ILRUN: variants seen among roughly 807,000 people sequenced by gnomAD.
ILRUN encodes inflammation and lipid regulator with UBA-like and NBR1-like domains, also known as protein ILRUN.
A neutral mutation model predicts 33.8 loss-of-function variants in ILRUN; 3 were observed. The observed-to-expected ratio is 0.09, with a 90% CI of 0.04 to 0.23. The LOEUF is 0.23. ILRUN is among the 10% of genes least tolerant of loss of function. ILRUN has a pLI of 1.00. For missense variants in ILRUN, 210 were observed against 375.1 expected, an observed-to-expected ratio of 0.56 and a Z score of 3.64; for synonymous variants, 124 against 138.9, an observed-to-expected ratio of 0.89 and a Z score of 0.75.
chr6:34,676,085 T>C (rs1763223184), intron 1 of ILRUN, among the ~76,000 whole-genome samples: 1 of 152,132 alleles, frequency 6.6e-6, no homozygotes, highest in Non-Finnish European at 1.5e-5. Context: ...ATCCATAACA[T>C]ACTGTGAAAT....
intron 3 of ILRUN, among the ~76,000 whole-genome samples, chr6:34,608,630 T>C (rs1415746865): frequency 1.3e-5 from 2 of 152,214 alleles, no homozygotes; most frequent in Non-Finnish European, 2.9e-5. Flanking sequence ...GAAGCTACAG[T>C]GTCACTAGGT....
chr6:34,595,201 G>C (rs1329683874), intron 4 of ILRUN, among the ~76,000 whole-genome samples: 4 of 152,226 alleles, frequency 2.6e-5, no homozygotes, highest in Non-Finnish European at 2.9e-5. Context: ...CTGTCAAATA[G>C]CAAGAATCAT....
chr6:34,643,983 T>G (rs1762522068), intron 3 of ILRUN, among the ~76,000 whole-genome samples: 1 of 152,254 alleles, frequency 6.6e-6, no homozygotes, highest in Admixed American at 6.5e-5. Context: ...ATTACAGGCT[T>G]GAACCACTGC....
At chr6:34,617,793 T>C (rs867142526) in intron 3 of ILRUN, among the ~76,000 whole-genome samples, 6 of 152,220 alleles carry the variant, frequency 3.9e-5, no homozygotes, top group Non-Finnish European at 7.3e-5. Flanking sequence ...CCCAGGAATT[T>C]CCTTTTAAAA....
At chr6:34,639,319 C>G (rs1358060701) in intron 3 of ILRUN, among the ~76,000 whole-genome samples, 1 of 152,226 alleles carries the variant, frequency 6.6e-6, no homozygotes, top group Non-Finnish European at 1.5e-5. Flanking sequence ...TGGAAACCCC[C>G]ATAAGTGCGA....
rs566601002 is a variant in ILRUN at position 34,646,031 on chromosome 6, T to C, written c.511+570A>G. 6.6e-6 allele frequency among the ~76,000 whole-genome samples: 1 copy of C among 152,312 alleles called. No homozygotes were observed. The highest frequency in any genetic ancestry group is 2.1e-4 in the South Asian group (1 of 4,820). Reference sequence around the variant, plus strand: ...AGGTCAGCTGGTATGAAGACTGTAATGAGGCTACTGGATTTGGAAACAGGG... The same window carrying C: ...AGGTCAGCTGGTATGAAGACTGTAACGAGGCTACTGGATTTGGAAACAGGG... On this transcript the variant is annotated intron_variant, in intron 3 of 4. Transcript: ENST00000374023. This position sits in a 1 kb window ranked among gnomAD's most constrained non-coding sequence, Gnocchi z 4.9.
At chr6:34,683,346 T>TTCATGC (rs1317052657) in intron 1 of ILRUN, among the ~76,000 whole-genome samples, 1 of 148,644 alleles carries the variant, frequency 6.7e-6, no homozygotes, top group Non-Finnish European at 1.5e-5. Context: ...AAGGTTTATA[T>TTCATGC]ATATAATTTT....
intron 1 of ILRUN, among the ~76,000 whole-genome samples, chr6:34,689,553 G>T (rs979116892): frequency 5.5e-4 from 84 of 151,712 alleles, no homozygotes; most frequent in African/African-American, 2.0e-3. Context: ...TTTATTTAAG[G>T]AAACCAATAT....
intron 3 of ILRUN, among the ~76,000 whole-genome samples, chr6:34,614,443 A>AAAAAAAT (rs71000073): frequency 4.5e-5 from 6 of 133,598 alleles, no homozygotes; most frequent in African/African-American, 1.8e-4. Context: ...AAAAAAAAAA[A>AAAAAAAT]ATATATATAT....
chr6:34,617,116 A>G (rs1300901442), intron 3 of ILRUN: 5 of 529,304 alleles, frequency 9.4e-6, no homozygotes, highest in Non-Finnish European at 1.9e-5. Context: ...AAAATGCTTC[A>G]AAGAAGCAAA....
At chr6:34,657,047 CA>C (rs1762784580) in intron 1 of ILRUN, among the ~76,000 whole-genome samples, 1 of 152,180 alleles carries the variant, frequency 6.6e-6, no homozygotes, top group African/African-American at 2.4e-5. Context: ...CTACCATCCA[CA>C]AACAGGCTTA....
chr6:34,676,456 ATAGCTAGC>A (rs1221298812), intron 1 of ILRUN, among the ~76,000 whole-genome samples: 6 of 151,216 alleles, frequency 4.0e-5, no homozygotes, highest in Admixed American at 1.3e-4. Context: ...ATAGATAGAT[ATAGCTAGC>A]TAGCTAGCTA....
intron 3 of ILRUN, among the ~76,000 whole-genome samples, chr6:34,626,528 T>C (rs1325284327): frequency 1.3e-5 from 2 of 152,178 alleles, no homozygotes; most frequent in South Asian, 2.1e-4. Context: ...CCAAGAGATA[T>C]TTCCCCCACA....
rs1761640560 is a variant in ILRUN, at chr6:34,606,727, G to A, written c.689C>T (p.Pro230Leu). 1 of 1,614,166 alleles carries A rather than the reference G, an allele frequency of 6.2e-7. No homozygotes were observed. The stretch of plus-strand genomic sequence containing the variant: ...GATCGAGTCGAACTCGGAGCCCCCA[G>A]GGTCTTTTAAGTTGTTTTCATCTGA... Reference protein sequence around the residue: ...RQSDENNLKDPGGSEFDSISK... With the variant: ...RQSDENNLKDLGGSEFDSISK... The change falls in exon 4 of 5, where the codon CCT becomes CTT. Residue 230 changes from proline (P) to leucine (L), a missense_variant. Transcript: ENST00000374023.
At chr6:34,690,183 G>C (rs148653229) in intron 1 of ILRUN, among the ~76,000 whole-genome samples, 1 of 152,070 alleles carries the variant, frequency 6.6e-6, no homozygotes, top group Non-Finnish European at 1.5e-5. Context: ...AATGCGGGCC[G>C]GGCATGGTGG....
Position 34,687,335 on chromosome 6 carries a change from G to A in ILRUN, c.158+9111C>T, listed in dbSNP as rs928566023. 4.6e-5 allele frequency among the ~76,000 whole-genome samples: 7 copies of A among 152,210 alleles called. No homozygotes were observed. The East Asian group carries it at 1.2e-3, about 25-fold the overall frequency. ...AATATGTTCGTATAATTAGTAATTA[G>A]AAAAATAAGAATCAAAATCATAATA... On this transcript the variant is annotated intron_variant, in intron 1 of 4. Coordinates refer to ENST00000374023, the MANE Select transcript of ILRUN (RefSeq NM_024294.4).
Position 34,671,899 on chromosome 6 carries a change from T to C in ILRUN, c.159-17120A>G, listed in dbSNP as rs530438625. On this transcript the variant is annotated intron_variant, in intron 1 of 4. Coordinates refer to ENST00000374023, the MANE Select transcript of ILRUN (RefSeq NM_024294.4). Reference sequence around the variant, plus strand: ...AGTAGAGCAGCAACCTGGTTAACAATGAGTAGCCCAAAACAGTTCAGGAAT... The same window carrying C: ...AGTAGAGCAGCAACCTGGTTAACAACGAGTAGCCCAAAACAGTTCAGGAAT... 3.9e-5 allele frequency: 6 copies of C among 152,360 alleles called. No homozygotes were observed. In the South Asian group the frequency reaches 8.3e-4, roughly 21 times the overall value. 9.4% of individuals were successfully genotyped at this position (152,360 alleles called of 1,614,324 possible).
At position 34,642,900 on chromosome 6, in the gene ILRUN, A is replaced by G. The variant is rs192982685; in HGVS notation, c.511+3701T>C. Among the ~76,000 whole-genome samples the G allele has an allele frequency of 2.1e-4, 31 of 149,268 alleles. No individual in the cohort carries two copies. In the East Asian group the frequency reaches 5.7e-3, roughly 27 times the overall value. On this transcript the variant is annotated intron_variant, in intron 3 of 4. Coordinates refer to ENST00000374023, the MANE Select transcript of ILRUN (RefSeq NM_024294.4). Reference sequence around the variant, plus strand: ...CCCAGCTACTTGGGAGGCTGAGGCAAGAGGATCACTTGAGCCAAGGACTTT... The same window carrying G: ...CCCAGCTACTTGGGAGGCTGAGGCAGGAGGATCACTTGAGCCAAGGACTTT...
At chr6:34,655,899 G>C (rs892498798) in intron 1 of ILRUN, among the ~76,000 whole-genome samples, 2 of 151,946 alleles carry the variant, frequency 1.3e-5, no homozygotes, top group African/African-American at 4.8e-5. Flanking sequence ...ATATATCTCA[G>C]TGAGATCTTG....
Sources: allele counts gnomAD v4.1 joint callset (sites outside exome capture counted in the v4.1 genomes callset), GRCh38; gene constraint gnomAD v4.1.1; non-coding constraint Gnocchi (gnomAD v3.1); transcripts MANE v1.5; gene names NCBI Gene and HGNC (gene_info 2026-07-23, HGNC 2026-07-21).